FAIM2: variants seen among roughly 807,000 people sequenced by gnomAD.
FAIM2 encodes protein lifeguard 2.
In FAIM2, 27 loss-of-function variants were observed where a neutral mutation model predicts 47.4. That is an observed-to-expected ratio of 0.57 (90% CI 0.42 to 0.78). FAIM2 has a LOEUF of 0.78. Ranked by LOEUF, FAIM2 falls within the 30% of genes least tolerant of loss-of-function variation. The probability of loss-of-function intolerance (pLI) is 0.00; values close to 1 mark genes in which losing one functional copy is unlikely to be tolerated. For missense variants in FAIM2, 311 were observed against 389.4 expected, an observed-to-expected ratio of 0.80 and a Z score of 1.69; for synonymous variants, 156 against 159.3, an observed-to-expected ratio of 0.98 and a Z score of 0.16.
chr12:49,872,597 C>T (rs1056009061), intron 11 of FAIM2, among the ~76,000 whole-genome samples: 4 of 152,216 alleles, frequency 2.6e-5, no homozygotes, highest in African/African-American at 9.7e-5. Context: ...GCAATGCTCC[C>T]CCCGGCAGGC....
rs141740540 is a variant in FAIM2, at chr12:49,873,345, T to A, written c.802-2692A>T. On this transcript the variant is annotated intron_variant, in intron 11 of 11. Transcript: ENST00000320634. ...CAGTGTATGTGGCATCCACTATTTG[T>A]ATTTTTGAGTATGATTTCTCTCCAT... Among the ~76,000 whole-genome samples the A allele has an allele frequency of 1.7e-3, 265 of 152,268 alleles. 1 individual carries two copies. The highest frequency in any genetic ancestry group is 6.2e-3 in the African/African-American group (257 of 41,542).
At chr12:49,890,556 C>G in intron 7 of FAIM2, 127 bp downstream of exon 7, 3 of 861,718 alleles carry the variant, frequency 3.5e-6, no homozygotes, top group Non-Finnish European at 5.9e-6. Flanking sequence ...TGAAAACACC[C>G]CTGCCCCGCC....
rs897565708 is a variant in FAIM2 at position 49,874,121 on chromosome 12, C to T, written c.802-3468G>A. Among the ~76,000 whole-genome samples the T allele has an allele frequency of 4.6e-5, 7 of 152,132 alleles. No individual in the cohort carries two copies. Among genetic ancestry groups the T allele is most frequent in the African/African-American group, 7.2e-5 (3 of 41,422 alleles). ...AGGATCTTGGCTGAGAGCTAGCAACCGAATTGACTGCAAACCCCTAAAAGG... is the reference window on the plus strand; with the variant it reads ...AGGATCTTGGCTGAGAGCTAGCAACTGAATTGACTGCAAACCCCTAAAAGG... On this transcript the variant is annotated intron_variant, in intron 11 of 11. Coordinates refer to ENST00000320634, the MANE Select transcript of FAIM2 (RefSeq NM_012306.4). The surrounding 1 kb of genome is among the most constrained non-coding windows in gnomAD (Gnocchi z 4.2).
chr12:49,898,307 G>A (rs1565620265), intron 2 of FAIM2, among the ~76,000 whole-genome samples: 1 of 152,328 alleles, frequency 6.6e-6, no homozygotes, highest in Non-Finnish European at 1.5e-5. Flanking sequence ...TCTGAGTCCT[G>A]GGAAGAAGCT....
chr12:49,879,710 G>GCA (rs1946789868), intron 11 of FAIM2, among the ~76,000 whole-genome samples: 2 of 124,748 alleles, frequency 1.6e-5, no homozygotes, highest in African/African-American at 3.1e-5. Flanking sequence ...ATGTGTGTGT[G>GCA]TGTGTATATG....
intron 2 of FAIM2, 27 bp from the exon 3 acceptor site, chr12:49,898,117 A>G: frequency 3.2e-6 from 5 of 1,548,528 alleles, no homozygotes; most frequent in Non-Finnish European, 4.5e-6. Context: ...GGAGGAGGAC[A>G]TGAGGGTTCC....
intron 8 of FAIM2, 75 bp from the exon 9 acceptor site, chr12:49,889,643 C>G: frequency 8.0e-7 from 1 of 1,252,596 alleles, no homozygotes; most frequent in Non-Finnish European, 1.2e-6. Flanking sequence ...GCAGGCCCCT[C>G]TCTTCTGCCA....
Position 49,874,387 on chromosome 12 carries a change from G to A in FAIM2, c.802-3734C>T, listed in dbSNP as rs1280526065. 6.6e-6 allele frequency among the ~76,000 whole-genome samples: 1 copy of A among 152,120 alleles called. No homozygotes were observed. The highest frequency in any genetic ancestry group is 2.4e-5 in the African/African-American group (1 of 41,426). On this transcript the variant is annotated intron_variant, in intron 11 of 11. Transcript: ENST00000320634. The surrounding 1 kb of genome is among the most constrained non-coding windows in gnomAD (Gnocchi z 4.2). Reference sequence around the variant, plus strand: ...AGTGACTTGCTGATGGCTGCTTATCGAGTGCCGTCTCCTATGCTGGTGGAG... The same window carrying A: ...AGTGACTTGCTGATGGCTGCTTATCAAGTGCCGTCTCCTATGCTGGTGGAG...
chr12:49,884,181 G>A (rs1946844907), intron 11 of FAIM2, among the ~76,000 whole-genome samples: 1 of 151,602 alleles, frequency 6.6e-6, no homozygotes, highest in Non-Finnish European at 1.5e-5. Flanking sequence ...TGGAAATCAT[G>A]CCACTGCACT....
In FAIM2 at chr12:49,870,309, G is replaced by A. The variant is rs1053544727; in HGVS notation, c.*195C>T. 3.6e-5 allele frequency: 20 copies of A among 556,802 alleles called. No individual in the cohort carries two copies. Among genetic ancestry groups the A allele is most frequent in the African/African-American group, 7.5e-5 (4 of 53,232 alleles). 34.5% of individuals were successfully genotyped at this position (556,802 alleles called of 1,614,324 possible). On this transcript the variant is annotated 3_prime_UTR_variant, in exon 12 of 12. Transcript: ENST00000320634. The stretch of plus-strand genomic sequence containing the variant: ...CGAATGGGGCGGCACAGGGATTGAC[G>A]TGGCCTCAGTTCCTCAGGGTCCCCA...
chr12:49,879,581 T>C (rs1946786506), intron 11 of FAIM2, among the ~76,000 whole-genome samples: 1 of 151,998 alleles, frequency 6.6e-6, no homozygotes, highest in Admixed American at 6.6e-5. Context: ...TGTGCGTGTA[T>C]ATGTGTATTT....
At chr12:49,883,637 T>A (rs1946841127) in intron 11 of FAIM2, among the ~76,000 whole-genome samples, 1 of 151,846 alleles carries the variant, frequency 6.6e-6, no homozygotes, top group South Asian at 2.1e-4. Flanking sequence ...AATGTTAGAG[T>A]AATCATCATA....
intron 5 of FAIM2, 50 bp from the exon 6 acceptor site, chr12:49,891,164 T>G: frequency 6.6e-7 from 1 of 1,521,958 alleles, no homozygotes; most frequent in South Asian, 1.1e-5. Flanking sequence ...CCTGGGTCCC[T>G]CCCCCAAGAT....
At chr12:49,893,039 C>G (rs534569105) in intron 5 of FAIM2, among the ~76,000 whole-genome samples, 7 of 152,282 alleles carry the variant, frequency 4.6e-5, no homozygotes, top group Admixed American at 3.9e-4. Context: ...GCCCTCTTCC[C>G]TCCACCCCAC....
At chr12:49,881,865 C>A (rs1385699196) in intron 11 of FAIM2, among the ~76,000 whole-genome samples, 3 of 152,202 alleles carry the variant, frequency 2.0e-5, no homozygotes, top group Non-Finnish European at 4.4e-5. Flanking sequence ...AAAGCTGGAC[C>A]AGAGCCCTGA....
chr12:49,874,648 G>C lies in FAIM2; in HGVS notation c.802-3995C>G, dbSNP rs1565611949. ...TCTGGGCAGTGCATGCCATGGAAAG[G>C]CCAGCTCAGAGCCACCCGCAGGCAG... On this transcript the variant is annotated intron_variant, in intron 11 of 11. Transcript: ENST00000320634. This position sits in a 1 kb window ranked among gnomAD's most constrained non-coding sequence, Gnocchi z 4.2. Among the ~76,000 whole-genome samples, 1 of 152,224 alleles carries C rather than the reference G, an allele frequency of 6.6e-6. No homozygotes were observed. Among genetic ancestry groups the C allele is most frequent in the Non-Finnish European group, 1.5e-5 (1 of 68,036 alleles).
chr12:49,883,208 A>T (rs1234353249), intron 11 of FAIM2, among the ~76,000 whole-genome samples: 2 of 152,014 alleles, frequency 1.3e-5, no homozygotes, highest in African/African-American at 4.8e-5. Flanking sequence ...GAACGAGGGG[A>T]CCTAACAACT....
intron 11 of FAIM2, among the ~76,000 whole-genome samples, chr12:49,875,256 C>T: frequency 6.6e-6 from 1 of 152,198 alleles, no homozygotes; most frequent in African/African-American, 2.4e-5. Flanking sequence ...GCAGGTGTCG[C>T]ACTATCAGCT....
At chr12:49,885,720 C>A (rs575057995) in intron 11 of FAIM2, among the ~76,000 whole-genome samples, 2 of 152,228 alleles carry the variant, frequency 1.3e-5, no homozygotes, top group South Asian at 2.1e-4. Flanking sequence ...CAAATCATTC[C>A]ATTTCTCTGG....
Sources: allele counts gnomAD v4.1 joint callset (sites outside exome capture counted in the v4.1 genomes callset), GRCh38; gene constraint gnomAD v4.1.1; non-coding constraint Gnocchi (gnomAD v3.1); transcripts MANE v1.5; gene names NCBI Gene and HGNC (gene_info 2026-07-23, HGNC 2026-07-21).